TIAM1: variants seen among roughly 807,000 people sequenced by gnomAD.
TIAM1 encodes TIAM Rac1 associated GEF 1, also known as rho guanine nucleotide exchange factor TIAM1.
Under a neutral mutation model 163.5 loss-of-function variants are expected in TIAM1, and 65 were observed. That is an observed-to-expected ratio of 0.40 (90% CI 0.33 to 0.49). TIAM1 has a LOEUF of 0.49. TIAM1 is among the 20% of genes least tolerant of loss of function. The pLI is 0.77. For synonymous variants in TIAM1, 833 were observed against 810.1 expected, an observed-to-expected ratio of 1.03 and a Z score of -0.48; for missense variants, 1,789 against 2,044.7, an observed-to-expected ratio of 0.87 and a Z score of 2.41.
At chr21:31,167,562 G>A (rs777157955) in intron 15 of TIAM1, among the ~76,000 whole-genome samples, 8 of 152,188 alleles carry the variant, frequency 5.3e-5, no homozygotes, top group Non-Finnish European at 1.0e-4. Context: ...AGGAAGTGGG[G>A]TAGTGTCCAT....
chr21:31,168,988 T>C (rs1027638639), intron 15 of TIAM1, among the ~76,000 whole-genome samples: 1 of 152,162 alleles, frequency 6.6e-6, no homozygotes, highest in African/African-American at 2.4e-5. Flanking sequence ...ATGCTTAAAA[T>C]ATTTTTTTAA....
At chr21:31,313,540 C>A (rs908515929) in intron 2 of TIAM1, among the ~76,000 whole-genome samples, 7 of 152,150 alleles carry the variant, frequency 4.6e-5, no homozygotes, top group African/African-American at 1.7e-4. Flanking sequence ...TATGTGGGGG[C>A]AAAATAATTT....
At chr21:31,458,138 G>A (rs902565457) in intron 2 of TIAM1, among the ~76,000 whole-genome samples, 2 of 152,176 alleles carry the variant, frequency 1.3e-5, no homozygotes, top group Non-Finnish European at 2.9e-5. Context: ...TAAAACAATC[G>A]GCCGGGTGCG....
intron 2 of TIAM1, among the ~76,000 whole-genome samples, chr21:31,396,538 T>A (rs1449723979): frequency 6.7e-6 from 1 of 150,342 alleles, no homozygotes; most frequent in Non-Finnish European, 1.5e-5. Flanking sequence ...TCAATAAATA[T>A]AAAAAATAAT....
At position 31,446,004 on chromosome 21, in the gene TIAM1, G is replaced by A. The variant is rs140907307; in HGVS notation, c.-369+17979C>T. ...TGCCCAGGCTGGAGTGCAGTGGCACGATCTCAGCTCACTGCAATCTCGGCC... is the reference window on the plus strand; with the variant it reads ...TGCCCAGGCTGGAGTGCAGTGGCACAATCTCAGCTCACTGCAATCTCGGCC... On this transcript the variant is annotated intron_variant, in intron 2 of 28. Transcript: ENST00000286827. Among the ~76,000 whole-genome samples the A allele has an allele frequency of 1.9e-4, 29 of 152,164 alleles. 1 individual carries two copies. The East Asian group carries it at 4.6e-3, about 24-fold the overall frequency.
At chr21:31,340,643 G>A (rs2075985561) in intron 1 of TIAM1, among the ~76,000 whole-genome samples, 1 of 152,082 alleles carries the variant, frequency 6.6e-6, no homozygotes, top group South Asian at 2.1e-4. Flanking sequence ...GGGACTACAG[G>A]CACACACCGC....
At chr21:31,253,445 A>G (rs1174182629) in intron 4 of TIAM1, among the ~76,000 whole-genome samples, 4 of 152,160 alleles carry the variant, frequency 2.6e-5, no homozygotes, top group African/African-American at 9.7e-5. Flanking sequence ...CATGCCACAA[A>G]CTAATACTGG....
At chr21:31,355,815 G>C (rs1325472972) in intron 2 of TIAM1, among the ~76,000 whole-genome samples, 1 of 108,686 alleles carries the variant, frequency 9.2e-6, no homozygotes, top group East Asian at 2.7e-4. Context: ...GCTTCCCAAA[G>C]TGCTGGGATT....
At chr21:31,221,909 A>T (rs1164606978) in intron 8 of TIAM1, among the ~76,000 whole-genome samples, 1 of 152,216 alleles carries the variant, frequency 6.6e-6, no homozygotes, top group East Asian at 1.9e-4. Context: ...TGGAGTCAAA[A>T]ACTGAAAACG....
At chr21:31,370,135 T>C (rs2076571577) in intron 2 of TIAM1, among the ~76,000 whole-genome samples, 3 of 152,140 alleles carry the variant, frequency 2.0e-5, no homozygotes, top group Admixed American at 2.0e-4. Context: ...CCAAGAACCA[T>C]GAGAAATAAA....
At chr21:31,210,602 G>GAAAGA (rs2086706296) in intron 10 of TIAM1, among the ~76,000 whole-genome samples, 1 of 103,366 alleles carries the variant, frequency 9.7e-6, no homozygotes, top group Non-Finnish European at 1.9e-5. Flanking sequence ...AAGAGAGAAA[G>GAAAGA]AAGGAAGGAA....
At chr21:31,420,660 T>G (rs1352454655) in intron 2 of TIAM1, among the ~76,000 whole-genome samples, 2 of 152,198 alleles carry the variant, frequency 1.3e-5, no homozygotes, top group African/African-American at 4.8e-5. Context: ...TTTTCCAAAC[T>G]TTGTCCAGCA....
At chr21:31,504,821 A>G (rs1458979289) in intron 1 of TIAM1, among the ~76,000 whole-genome samples, 1 of 152,020 alleles carries the variant, frequency 6.6e-6, no homozygotes, top group Non-Finnish European at 1.5e-5. Context: ...ACTGTTACTA[A>G]AAAAAAGAAA....
At chr21:31,232,157 T>C (rs2088476547) in intron 6 of TIAM1, among the ~76,000 whole-genome samples, 1 of 151,204 alleles carries the variant, frequency 6.6e-6, no homozygotes, top group Non-Finnish European at 1.5e-5. Flanking sequence ...AAAAAATAAT[T>C]ATAAAATAAA....
At position 31,417,615 on chromosome 21, in the gene TIAM1, G is replaced by A. The variant is rs530752323; in HGVS notation, c.-369+46368C>T. Among the ~76,000 whole-genome samples, 3 of 152,268 alleles carry A rather than the reference G, an allele frequency of 2.0e-5. No individual in the cohort carries two copies. The East Asian group carries it at 5.8e-4, about 29-fold the overall frequency. ...GGAGCTACAATTCAAGATGAGATTT[G>A]GGTGGGGACACAGCCAAACTATATC... On this transcript the variant is annotated intron_variant, in intron 2 of 28. Transcript: ENST00000286827.
chr21:31,290,983 T>G (rs2073998501), intron 2 of TIAM1, among the ~76,000 whole-genome samples: 1 of 152,166 alleles, frequency 6.6e-6, no homozygotes, highest in African/African-American at 2.4e-5. Flanking sequence ...TCAGCTGTGC[T>G]TTTGCAACAA....
intron 2 of TIAM1, among the ~76,000 whole-genome samples, chr21:31,321,636 C>T (rs2075317648): frequency 6.6e-6 from 1 of 151,236 alleles, no homozygotes; most frequent in African/African-American, 2.4e-5. Context: ...CAGGCGTGAG[C>T]CACCACACCC....
At chr21:31,501,525 G>A (rs2284540) in intron 1 of TIAM1, among the ~76,000 whole-genome samples, 120,299 of 151,960 alleles carry the variant, frequency 0.79, 47,851 homozygotes, top group East Asian at 0.87. Flanking sequence ...GTATCTACCT[G>A]TTGTTCTCTC....
intron 9 of TIAM1, among the ~76,000 whole-genome samples, chr21:31,216,159 G>A (rs2087197579): frequency 6.6e-6 from 1 of 152,158 alleles, no homozygotes; most frequent in South Asian, 2.1e-4. Context: ...GACAGAGCGA[G>A]ACTCCATCAC....
Sources: allele counts gnomAD v4.1 joint callset (sites outside exome capture counted in the v4.1 genomes callset), GRCh38; gene constraint gnomAD v4.1.1; transcripts MANE v1.5; gene names NCBI Gene and HGNC (gene_info 2026-07-23, HGNC 2026-07-21).